EPHA6: variants seen among roughly 807,000 people sequenced by gnomAD.
EPHA6 encodes the protein ephrin type-A receptor 6.
A neutral mutation model predicts 112.0 loss-of-function variants in EPHA6; 50 were observed. The ratio of observed to expected loss-of-function variants is 0.45; its 90% CI spans 0.36 to 0.56. EPHA6 has a LOEUF of 0.56. Ranked by LOEUF, EPHA6 falls within the 20% of genes least tolerant of loss-of-function variation. EPHA6 has a pLI of 0.00. For missense variants in EPHA6, 1,280 were observed against 1,417.4 expected, an observed-to-expected ratio of 0.90 and a Z score of 1.56; for synonymous variants, 529 against 490.7, an observed-to-expected ratio of 1.08 and a Z score of -1.03.
chr3:97,008,477 A>G (rs1008074925), intron 3 of EPHA6, among the ~76,000 whole-genome samples: 3 of 152,114 alleles, frequency 2.0e-5, no homozygotes, highest in Non-Finnish European at 2.9e-5. Context: ...TGTTCAAGCT[A>G]TATAAACTGG....
chr3:97,386,783 G>A (rs1007385164), intron 5 of EPHA6, among the ~76,000 whole-genome samples: 1 of 152,230 alleles, frequency 6.6e-6, no homozygotes, highest in South Asian at 2.1e-4. Flanking sequence ...CATAGTAGAG[G>A]TTCTCCATGA....
intron 3 of EPHA6, among the ~76,000 whole-genome samples, chr3:97,029,747 T>A (rs2044759572): frequency 6.6e-6 from 1 of 152,164 alleles, no homozygotes; most frequent in Non-Finnish European, 1.5e-5. Context: ...AAAGTTTATT[T>A]AAAGAACAAG....
chr3:97,362,030 A>G (rs2108937697), intron 5 of EPHA6, among the ~76,000 whole-genome samples: 2 of 152,332 alleles, frequency 1.3e-5, no homozygotes, highest in Middle Eastern at 6.8e-3. Context: ...TATGTGAGCC[A>G]CTGAAGAAAA....
chr3:96,993,265 C>T (rs2043281583), intron 3 of EPHA6, among the ~76,000 whole-genome samples: 1 of 151,488 alleles, frequency 6.6e-6, no homozygotes, highest in South Asian at 2.1e-4. Context: ...TTAATCTGGC[C>T]TTTATATGTT....
intron 15 of EPHA6, among the ~76,000 whole-genome samples, chr3:97,722,566 C>T (rs1424343150): frequency 1.3e-5 from 2 of 152,028 alleles, no homozygotes; most frequent in Non-Finnish European, 2.9e-5. Flanking sequence ...CCATGTAGCT[C>T]CTCACGTAGG....
intron 14 of EPHA6, among the ~76,000 whole-genome samples, chr3:97,662,443 C>T (rs1258416410): frequency 6.6e-6 from 1 of 152,052 alleles, no homozygotes; most frequent in Non-Finnish European, 1.5e-5. Context: ...AGACCCTGTC[C>T]CATACTGCAG....
At chr3:97,543,487 G>C (rs573241919) in intron 11 of EPHA6, among the ~76,000 whole-genome samples, 1 of 152,106 alleles carries the variant, frequency 6.6e-6, no homozygotes, top group East Asian at 1.9e-4. Flanking sequence ...ATGCTGTTTT[G>C]GTTACTGTAG....
chr3:96,814,997 C>A lies in EPHA6; in HGVS notation c.374C>A (p.Ser125Tyr), dbSNP rs377032298. Reference protein sequence around the residue: ...TAWPGDCSHVSNNQVVLLDTT... With the variant: ...TAWPGDCSHVYNNQVVLLDTT... ...TGGCCAGGCGACTGCAGTCACGTCT[C>A]CAACAACCAAGGTAAGGGACGGGGC... The change falls in exon 1 of 18, where the codon TCC becomes TAC. Residue 125 changes from serine to tyrosine, a missense_variant. By Grantham distance (144) the Ser-to-Tyr change is moderately radical. Around this residue, in one of 4 missense-constraint regions of EPHA6, gnomAD observed 220 missense variants for 171.5 expected, o/e 1.28. Transcript: ENST00000389672. 1.3e-6 allele frequency: 2 copies of A among 1,520,424 alleles called. No homozygotes were observed. The highest frequency in any genetic ancestry group is 1.4e-5 in the African/African-American group (1 of 72,476). The allele number at this position is 1,520,424 out of a possible 1,614,324, so 94.2% of individuals were successfully genotyped here.
chr3:97,333,594 C>T (rs527727869), intron 5 of EPHA6, among the ~76,000 whole-genome samples: 2 of 151,284 alleles, frequency 1.3e-5, no homozygotes, highest in South Asian at 2.1e-4. Context: ...CCACCTCAGC[C>T]TCCGAGTAGC....
At chr3:97,557,780 A>G (rs927668938) in intron 11 of EPHA6, among the ~76,000 whole-genome samples, 4 of 151,434 alleles carry the variant, frequency 2.6e-5, no homozygotes, top group Non-Finnish European at 4.4e-5. Flanking sequence ...TTCTCCTGTG[A>G]TTTTAAGATA....
At chr3:97,294,077 C>T (rs553580534) in intron 5 of EPHA6, among the ~76,000 whole-genome samples, 210 of 152,326 alleles carry the variant, frequency 1.4e-3, no homozygotes, top group African/African-American at 4.8e-3. Flanking sequence ...CTGGTACTTC[C>T]AAGCCTGTGG....
At chr3:97,363,177 T>G (rs1311143717) in intron 5 of EPHA6, among the ~76,000 whole-genome samples, 1 of 418 alleles carries the variant, frequency 2.4e-3, no homozygotes, top group Admixed American at 0.017. Flanking sequence ...CTGCAATATA[T>G]ATATATATAT....
At chr3:97,581,451 T>C (rs2093436938) in intron 11 of EPHA6, among the ~76,000 whole-genome samples, 1 of 152,220 alleles carries the variant, frequency 6.6e-6, no homozygotes, top group African/African-American at 2.4e-5. Flanking sequence ...CAAGTTCTAT[T>C]GCACGTATTA....
At chr3:97,516,613 C>T (rs762748142) in intron 10 of EPHA6, among the ~76,000 whole-genome samples, 5 of 152,080 alleles carry the variant, frequency 3.3e-5, no homozygotes, top group East Asian at 1.9e-4. Flanking sequence ...CTTCAAGAGA[C>T]GAATACACAT....
chr3:97,283,005 T>A lies in EPHA6; in HGVS notation c.1606+38718T>A, dbSNP rs562607649. Among the ~76,000 whole-genome samples, 4 of 152,190 alleles carry A rather than the reference T, an allele frequency of 2.6e-5. No homozygotes were observed. In the East Asian group the frequency reaches 7.7e-4, roughly 29 times the overall value. On this transcript the variant is annotated intron_variant, in intron 5 of 17. Coordinates refer to ENST00000389672, the MANE Select transcript of EPHA6 (RefSeq NM_001080448.3). ...CAGAACTTAAAATAAAATAAAATTTTAAAAAAGAAAGACTGGCAATGTCAG... is the reference window on the plus strand; with the variant it reads ...CAGAACTTAAAATAAAATAAAATTTAAAAAAAGAAAGACTGGCAATGTCAG...
chr3:97,068,766 A>G (rs2046260316), intron 3 of EPHA6, among the ~76,000 whole-genome samples: 1 of 152,066 alleles, frequency 6.6e-6, no homozygotes, highest in South Asian at 2.1e-4. Context: ...TGACAGAACT[A>G]GTGTCCTTAT....
intron 10 of EPHA6, among the ~76,000 whole-genome samples, chr3:97,504,977 CT>C (rs2092210729): frequency 6.6e-6 from 1 of 151,772 alleles, no homozygotes; most frequent in Non-Finnish European, 1.5e-5. Flanking sequence ...AAAATATTTT[CT>C]TTTTTTAATG....
chr3:96,966,044 A>G (rs1260356321), intron 2 of EPHA6, among the ~76,000 whole-genome samples: 4 of 152,072 alleles, frequency 2.6e-5, no homozygotes, highest in African/African-American at 7.2e-5. Context: ...GAATTATAGT[A>G]TATTATATAT....
intron 5 of EPHA6, among the ~76,000 whole-genome samples, chr3:97,274,203 T>C (rs2108647391): frequency 6.6e-6 from 1 of 152,314 alleles, no homozygotes; most frequent in Non-Finnish European, 1.5e-5. Flanking sequence ...AAGAACCATT[T>C]GCCTTGTGTG....
Sources: gnomAD v4.1 joint callset for allele counts (sites outside exome capture counted in the v4.1 genomes callset) on GRCh38, gnomAD v4.1.1 for gene constraint, gnomAD v4.1.1 regional missense constraint, MANE v1.5 for transcripts, NCBI Gene and HGNC (gene_info 2026-07-23, HGNC 2026-07-21) for gene names.